Variants in CTBP2 observed in about 807,000 individuals in gnomAD.
CTBP2 encodes C-terminal-binding protein 2.
A neutral mutation model predicts 80.3 loss-of-function variants in CTBP2; 30 were observed. That is an observed-to-expected ratio of 0.37 (90% CI 0.28 to 0.51). The LOEUF is 0.51. Among genes scored for constraint, CTBP2 ranks in the 20% least tolerant of loss-of-function variants. The pLI, the probability that CTBP2 is intolerant of heterozygous loss-of-function variation, is 0.93. For missense variants in CTBP2, 1,212 were observed against 1,375.3 expected, an observed-to-expected ratio of 0.88 and a Z score of 1.88; for synonymous variants, 594 against 587.4, an observed-to-expected ratio of 1.01 and a Z score of -0.16.
At chr10:125,031,488 C>CAAAAAAAAAAAAAA (rs11463934), upstream of CTBP2, among the ~76,000 whole-genome samples, 2 of 33,696 alleles carry the variant, frequency 5.9e-5, no homozygotes, top group African/African-American at 2.4e-4. Context: ...GACTCCATTT[C>CAAAAAAAAAAAAAA]AAAAAAAAAA....
At chr10:125,085,183 C>T (rs893087543) in intron 2 of CTBP2, among the ~76,000 whole-genome samples, 4 of 152,266 alleles carry the variant, frequency 2.6e-5, no homozygotes, top group East Asian at 1.9e-4. Flanking sequence ...AAACAGCTGC[C>T]GAGTTCCAAG....
intron 2 of CTBP2, among the ~76,000 whole-genome samples, chr10:125,049,449 C>T (rs1183834694): frequency 6.6e-6 from 1 of 152,202 alleles, no homozygotes; most frequent in Non-Finnish European, 1.5e-5. Context: ...GGTGCCACCT[C>T]CCCCAGGCAG....
intron 3 of CTBP2, among the ~76,000 whole-genome samples, chr10:125,034,132 T>C (rs1264431867): frequency 6.6e-6 from 1 of 152,150 alleles, no homozygotes; most frequent in African/African-American, 2.4e-5. Flanking sequence ...GACGCTTATG[T>C]TTGTGCTTGA....
Position 124,988,035 on chromosome 10 carries a change from T to TTAAAGTCAGAACTC in CTBP2, c.*1469_*1482dup, listed in dbSNP as rs1952111574. 1 of 152,556 alleles carries TTAAAGTCAGAACTC rather than the reference T, an allele frequency of 6.6e-6. No homozygotes were observed. Among genetic ancestry groups the TTAAAGTCAGAACTC allele is most frequent in the African/African-American group, 2.4e-5 (1 of 41,454 alleles). The allele number at this position is 152,556 out of a possible 1,614,324, so 9.5% of individuals were successfully genotyped here. A position where few individuals can be genotyped will look rare whatever the true frequency, so the allele number is the denominator to read the frequency against. On this transcript the variant is annotated 3_prime_UTR_variant, in exon 9 of 9. Coordinates refer to ENST00000309035, the MANE Select transcript of CTBP2 (RefSeq NM_022802.3). ...CCAGGTCATTTTGCTTTGGGGTAGATTAAAGTCAGAACTCTAAAAGTTGAG... is the reference window on the plus strand; with the variant it reads ...CCAGGTCATTTTGCTTTGGGGTAGATTAAAGTCAGAACTCTAAAGTCAGAACTCTAAAAGTTGAG...
rs958093912 is a variant in CTBP2, at chr10:125,027,049, A to G, written c.711T>C (p.Ser237=). 6.2e-7 allele frequency: 1 copy of G among 1,613,376 alleles called. No individual in the cohort carries two copies. The highest frequency in any genetic ancestry group is 8.5e-7 in the Non-Finnish European group (1 of 1,179,660). The change falls in exon 1 of 9, where the codon AGT becomes AGC. Residue 237 remains serine (S), a synonymous_variant. Transcript: ENST00000309035. ...TGCTGCCTTCGGGGGCAGCAGCTGAACTGGGGTCCACAACCAGGCACGTCG... is the reference window on the plus strand; with the variant it reads ...TGCTGCCTTCGGGGGCAGCAGCTGAGCTGGGGTCCACAACCAGGCACGTCG...
chr10:124,993,393 G>C (rs1759818660), intron 6 of CTBP2, 64 bp from the exon 9 acceptor site: 1 of 1,539,824 alleles, frequency 6.5e-7, no homozygotes, highest in African/African-American at 1.4e-5. Context: ...GCCCTCCTCA[G>C]CACAAGGGAG....
chr10:125,101,316 T>C (rs1272681316), intron 2 of CTBP2, among the ~76,000 whole-genome samples: 1 of 152,200 alleles, frequency 6.6e-6, no homozygotes, highest in Non-Finnish European at 1.5e-5. Flanking sequence ...GGCTCTTTGG[T>C]CACACTTAAT....
At chr10:125,018,920 A>G (rs1034581267) in intron 1 of CTBP2, among the ~76,000 whole-genome samples, 9 of 152,298 alleles carry the variant, frequency 5.9e-5, no homozygotes, top group African/African-American at 1.9e-4. Flanking sequence ...GACATTTGCA[A>G]ACCCTCCTGG....
At chr10:125,005,553 A>G in intron 1 of CTBP2, 2 of 1,610,288 alleles carry the variant, frequency 1.2e-6, no homozygotes, top group Non-Finnish European at 1.7e-6. Context: ...TCACCAGCCC[A>G]CGACCTGTAT....
At chr10:125,054,938 T>C (rs917481581) in intron 2 of CTBP2, among the ~76,000 whole-genome samples, 1 of 152,198 alleles carries the variant, frequency 6.6e-6, no homozygotes, top group Non-Finnish European at 1.5e-5. Context: ...TCTGCTGTTA[T>C]GTTCACTTAC....
intron 3 of CTBP2, chr10:124,998,439 ATT>A (rs1400437695): frequency 6.1e-6 from 3 of 492,398 alleles, no homozygotes; most frequent in African/African-American, 1.9e-5. Context: ...CCTATGGCTG[ATT>A]TTGGGCCTGA....
chr10:125,050,769 T>C (rs718948), intron 2 of CTBP2, among the ~76,000 whole-genome samples: 46,981 of 152,148 alleles, frequency 0.31, 7,680 homozygotes, highest in Admixed American at 0.39. Context: ...TTAACACTCA[T>C]CATAGCTCAG....
chr10:125,060,272 G>A (rs1056311032), intron 2 of CTBP2, among the ~76,000 whole-genome samples: 10 of 152,120 alleles, frequency 6.6e-5, no homozygotes, highest in Non-Finnish European at 1.0e-4. Context: ...GGAGCTGAGC[G>A]GGTTACTCTG....
At position 124,989,011 on chromosome 10, in the gene CTBP2, G is replaced by T. The variant is rs3208603; in HGVS notation, c.*507C>A. On this transcript the variant is annotated 3_prime_UTR_variant, in exon 9 of 9. Transcript: ENST00000309035. ...GCCTGTACTGTCTTCAATCCTATGC[G>T]TGCAGGTGTCTACCACAGGCAAACA... 5.1e-6 allele frequency: 1 copy of T among 195,100 alleles called. No homozygotes were observed. The highest frequency in any genetic ancestry group is 1.1e-5 in the Non-Finnish European group (1 of 94,798). The allele number at this position is 195,100 out of a possible 1,614,324, so 12.1% of individuals were successfully genotyped here.
rs554943686 is a variant in CTBP2, at chr10:125,050,457, C to T, written c.-101-11302G>A. Among the ~76,000 whole-genome samples, 13 of 152,300 alleles carry T rather than the reference C, an allele frequency of 8.5e-5. No homozygotes were observed. The East Asian group carries it at 9.7e-4, about 11-fold the overall frequency. On this transcript the variant is annotated intron_variant, in intron 2 of 10. Coordinates refer to the CTBP2 transcript ENST00000337195. Reference sequence around the variant, plus strand: ...ACGGTTTTCACGTGGAAGACGGCTACGTAACGGAAACCCAGAGGGATGAAG... The same window carrying T: ...ACGGTTTTCACGTGGAAGACGGCTATGTAACGGAAACCCAGAGGGATGAAG...
intron 2 of CTBP2, among the ~76,000 whole-genome samples, chr10:125,047,374 G>A (rs1961522769): frequency 6.6e-6 from 1 of 152,240 alleles, no homozygotes; most frequent in South Asian, 2.1e-4. Flanking sequence ...TAGGCAGACA[G>A]AAGTGGTTCC....
chr10:125,158,639 G>A (rs76160731), intron 1 of CTBP2: 3 of 152,214 alleles, frequency 2.0e-5, no homozygotes, highest in Non-Finnish European at 4.4e-5. Flanking sequence ...GTTTACCCCG[G>A]ACAGGGCAAG....
intron 2 of CTBP2, among the ~76,000 whole-genome samples, chr10:125,087,390 A>G (rs1848153349): frequency 6.6e-6 from 1 of 152,128 alleles, no homozygotes; most frequent in Non-Finnish European, 1.5e-5. Context: ...TTACTTCTTA[A>G]GTACAGAAGC....
At chr10:125,154,879 C>T (rs546413077) in intron 1 of CTBP2, among the ~76,000 whole-genome samples, 1 of 152,292 alleles carries the variant, frequency 6.6e-6, no homozygotes, top group African/African-American at 2.4e-5. Flanking sequence ...AAAACATGAA[C>T]ATCCAGCAAA....
Sources: gnomAD v4.1 joint callset for allele counts (sites outside exome capture counted in the v4.1 genomes callset) on GRCh38, gnomAD v4.1.1 for gene constraint, MANE v1.5 for transcripts, NCBI Gene and HGNC (gene_info 2026-07-23, HGNC 2026-07-21) for gene names.